ABHD2: variants seen among roughly 807,000 people sequenced by gnomAD.
ABHD2 encodes monoacylglycerol lipase ABHD2.
ABHD2 carries 20 observed loss-of-function variants against 48.1 expected under a neutral mutation model. That is an observed-to-expected ratio of 0.42 (90% CI 0.29 to 0.60). The LOEUF (loss-of-function observed/expected upper bound fraction) is 0.60. Among genes scored for constraint, ABHD2 ranks in the 20% least tolerant of loss-of-function variants. The pLI is 0.24. For synonymous variants in ABHD2, 209 were observed against 214.2 expected (o/e 0.98, Z 0.21); for missense variants, 405 against 550.9 (o/e 0.74, Z 2.65).
rs1172606908 is a variant in ABHD2, at chr15:89,094,406, C to T, written c.-107+5843C>T. On this transcript the variant is annotated intron_variant, in intron 1 of 10. Transcript: ENST00000352732. This position sits in a 1 kb window ranked among gnomAD's most constrained non-coding sequence, Gnocchi z 4.7. ...CAACATGGATTGCTACATTTTAATTCTTTCAAATAAGGAAATACAGCAGGG... is the reference window on the plus strand; with the variant it reads ...CAACATGGATTGCTACATTTTAATTTTTTCAAATAAGGAAATACAGCAGGG... 1.3e-5 allele frequency: 2 copies of T among 152,152 alleles called. No individual in the cohort carries two copies. The highest frequency in any genetic ancestry group is 4.8e-5 in the African/African-American group (2 of 41,432). 9.4% of individuals were successfully genotyped at this position (152,152 alleles called of 1,614,324 possible). A position where few individuals can be genotyped will look rare whatever the true frequency, so the allele number is the denominator to read the frequency against.
chr15:89,097,547 A>G lies in ABHD2; in HGVS notation c.-107+8984A>G, dbSNP rs896494069. ...ACCATTTATGTCTCTTTTAAGCTATAGGTCCCCTTTTCTTTTCTTTTTTCT... is the reference window on the plus strand; with the variant it reads ...ACCATTTATGTCTCTTTTAAGCTATGGGTCCCCTTTTCTTTTCTTTTTTCT... On this transcript the variant is annotated intron_variant, in intron 1 of 10. Coordinates refer to ENST00000352732, the MANE Select transcript of ABHD2 (RefSeq NM_152924.5). The surrounding 1 kb of genome is among the most constrained non-coding windows in gnomAD (Gnocchi z 4.2). Among the ~76,000 whole-genome samples, 1 of 152,196 alleles carries G rather than the reference A, an allele frequency of 6.6e-6. No individual in the cohort carries two copies. Among genetic ancestry groups the G allele is most frequent in the African/African-American group, 2.4e-5 (1 of 41,450 alleles).
intron 1 of ABHD2, chr15:89,093,840 C>G (rs569505242): frequency 1.3e-5 from 2 of 152,362 alleles, no homozygotes; most frequent in East Asian, 3.9e-4. Context: ...TTTGAACTTT[C>G]TATGGCTAGG....
intron 3 of ABHD2, among the ~76,000 whole-genome samples, chr15:89,129,672 C>T (rs918423935): frequency 6.6e-6 from 1 of 152,110 alleles, no homozygotes; most frequent in Admixed American, 6.5e-5. Flanking sequence ...GTGAGACCCA[C>T]CTGGGCTCAG....
intron 3 of ABHD2, among the ~76,000 whole-genome samples, chr15:89,122,287 CTCTTT>C (rs1281812165): frequency 3.9e-5 from 6 of 152,200 alleles, no homozygotes; most frequent in South Asian, 2.1e-4. Context: ...GAATTTGTGT[CTCTTT>C]TCTTTATCAC....
At chr15:89,165,765 A>C (rs2050829439) in intron 5 of ABHD2, among the ~76,000 whole-genome samples, 1 of 152,220 alleles carries the variant, frequency 6.6e-6, no homozygotes, top group South Asian at 2.1e-4. Flanking sequence ...GCACTGCAGC[A>C]GTAGACATGT....
rs1596089753 is a variant in ABHD2, at chr15:89,127,336, C to T, written c.194+10815C>T. 1.3e-5 allele frequency among the ~76,000 whole-genome samples: 2 copies of T among 152,250 alleles called. 1 individual carries two copies. ...CATTATAAGAGTCTGTAATCCAAAA[C>T]ATTTGGGAACCCTGCCTGGAGATCA... is the stretch of plus-strand genomic sequence containing the variant. On this transcript the variant is annotated intron_variant, in intron 3 of 10. Transcript: ENST00000352732.
rs138076568 is a variant in ABHD2 at position 89,201,684 on chromosome 15, C to T, written c.*6261C>T. The T allele has an allele frequency of 2.1e-3, 3,398 of 1,608,728 alleles. 21 individuals are homozygous for T. The highest frequency in any genetic ancestry group is 0.014 in the African/African-American group (1,028 of 74,910). ...ACACACTTTTCTATCCGATGGATTTCGCAATTTAAGATTTGTAGTGACTAC... is the reference window on the plus strand; with the variant it reads ...ACACACTTTTCTATCCGATGGATTTTGCAATTTAAGATTTGTAGTGACTAC... On this transcript the variant is annotated 3_prime_UTR_variant, in exon 11 of 11. Transcript: ENST00000352732.
the ABHD2 span, among the ~76,000 whole-genome samples, chr15:89,049,420 G>A: frequency 1.3e-5 from 2 of 152,258 alleles, no homozygotes; most frequent in African/African-American, 4.8e-5. Context: ...GCTCCACCCT[G>A]TTCGAGCTTC....
At position 89,177,245 on chromosome 15, in the gene ABHD2, C is replaced by T. The variant is rs145678603; in HGVS notation, c.722+1250C>T. Among the ~76,000 whole-genome samples the T allele has an allele frequency of 9.2e-3, 1,394 of 152,228 alleles. 12 individuals are homozygous for T. The highest frequency in any genetic ancestry group is 0.017 in the Middle Eastern group (5 of 294). Reference sequence around the variant, plus strand: ...CCGCTGAGAGTCAAATGAGTTGATGCGTGTGAAGTGCTTAGAACAGTGCCC... The same window carrying T: ...CCGCTGAGAGTCAAATGAGTTGATGTGTGTGAAGTGCTTAGAACAGTGCCC... On this transcript the variant is annotated intron_variant, in intron 6 of 10. Transcript: ENST00000352732. This position sits in a 1 kb window ranked among gnomAD's most constrained non-coding sequence, Gnocchi z 5.6.
Position 89,188,140 on chromosome 15 carries a change from T to C in ABHD2, c.816-53T>C. ...TGTGGCAAGGAAGCAGGCTATGCCA[T>C]GGTTGTTCATCCTCCACATCTTAAT... On this transcript the variant is annotated intron_variant, in intron 7 of 10. Transcript: ENST00000352732. The surrounding 1 kb of genome is among the most constrained non-coding windows in gnomAD (Gnocchi z 4.1). 2 of 1,517,572 alleles carry C rather than the reference T, an allele frequency of 1.3e-6. No individual in the cohort carries two copies. The highest frequency in any genetic ancestry group is 1.7e-5 in the Admixed American group (1 of 59,592). 94.0% of individuals were successfully genotyped at this position (1,517,572 alleles called of 1,614,324 possible).
At chr15:89,061,741 T>G in the ABHD2 span, among the ~76,000 whole-genome samples, 2 of 152,022 alleles carry the variant, frequency 1.3e-5, no homozygotes, top group Admixed American at 1.3e-4. Flanking sequence ...CCTGGCTAAT[T>G]TTTGTATTTT....
the ABHD2 span, among the ~76,000 whole-genome samples, chr15:89,061,287 ATG>A: frequency 6.9e-6 from 1 of 144,532 alleles, no homozygotes; most frequent in African/African-American, 2.4e-5. Context: ...GCGTGGTGGC[ATG>A]TGCCTGTAAT....
rs1471952956 is a variant in ABHD2 at position 89,167,668 on chromosome 15, C to G, written c.539-8144C>G. Among the ~76,000 whole-genome samples the G allele has an allele frequency of 6.6e-6, 1 of 152,194 alleles. No individual in the cohort carries two copies. The highest frequency in any genetic ancestry group is 2.4e-5 in the African/African-American group (1 of 41,452). ...ATTTCAGAGATAAGGGCAAGGCCAA[C>G]TAATTTGATAGCACAAAGGGGCCTT... On this transcript the variant is annotated intron_variant, in intron 5 of 10. Coordinates refer to ENST00000352732, the MANE Select transcript of ABHD2 (RefSeq NM_152924.5). This position sits in a 1 kb window ranked among gnomAD's most constrained non-coding sequence, Gnocchi z 5.5.
At chr15:89,069,871 G>A in the ABHD2 span, among the ~76,000 whole-genome samples, 2 of 151,410 alleles carry the variant, frequency 1.3e-5, no homozygotes, top group African/African-American at 4.9e-5. Flanking sequence ...GTAGAGACAG[G>A]GTTTCACCAT....
the ABHD2 span, among the ~76,000 whole-genome samples, chr15:89,059,049 C>T: frequency 1.9e-3 from 294 of 152,292 alleles, 9 homozygotes; most frequent in East Asian, 0.052. Flanking sequence ...AGGAATGGGG[C>T]ACGCAGAGAG....
intron 3 of ABHD2, among the ~76,000 whole-genome samples, chr15:89,139,976 G>T (rs565006568): frequency 4.3e-4 from 66 of 152,310 alleles, no homozygotes; most frequent in African/African-American, 1.6e-3. Flanking sequence ...GGTCTCTGTA[G>T]CCCTGATGGA....
At chr15:89,058,269 G>T in the ABHD2 span, among the ~76,000 whole-genome samples, 1 of 152,020 alleles carries the variant, frequency 6.6e-6, no homozygotes, top group Admixed American at 6.6e-5. Flanking sequence ...TCACATACGT[G>T]TGGATACTCC....
the ABHD2 span, among the ~76,000 whole-genome samples, chr15:89,062,040 G>A: frequency 2.0e-5 from 3 of 152,140 alleles, no homozygotes; most frequent in Non-Finnish European, 2.9e-5. Flanking sequence ...CAGGCTTCAA[G>A]GAACTGGAGC....
At position 89,106,942 on chromosome 15, in the gene ABHD2, T is replaced by C. The variant is rs1267298015; in HGVS notation, c.-106-6783T>C. 6.6e-6 allele frequency among the ~76,000 whole-genome samples: 1 copy of C among 152,208 alleles called. No individual in the cohort carries two copies. Among genetic ancestry groups the C allele is most frequent in the Non-Finnish European group, 1.5e-5 (1 of 68,036 alleles). ...GCTGAAAAATCAGAATGACATGGGA[T>C]GGAAACAGACCATGTTTTTGGGGTG... is the stretch of plus-strand genomic sequence containing the variant. On this transcript the variant is annotated intron_variant, in intron 1 of 10. Transcript: ENST00000352732. The surrounding 1 kb of genome is among the most constrained non-coding windows in gnomAD (Gnocchi z 4.2).
Sources: gnomAD v4.1 joint callset for allele counts (sites outside exome capture counted in the v4.1 genomes callset) on GRCh38, gnomAD v4.1.1 for gene constraint, Gnocchi (gnomAD v3.1) non-coding constraint, MANE v1.5 for transcripts, NCBI Gene and HGNC (gene_info 2026-07-23, HGNC 2026-07-21) for gene names.